Variants in DTWD2 observed in about 807,000 individuals in gnomAD.
The protein encoded by DTWD2 is DTW motif tRNA-uridine aminocarboxypropyltransferase 2, also known as tRNA-uridine aminocarboxypropyltransferase 2.
Under a neutral mutation model 31.8 loss-of-function variants are expected in DTWD2, and 39 were observed. That is an observed-to-expected ratio of 1.22 (90% CI 0.95 to 1.60). The LOEUF is 1.60. Ranked by LOEUF, DTWD2 falls within the 40% of genes most tolerant of loss-of-function variation. DTWD2 has a pLI of 0.00. For synonymous variants in DTWD2, 180 were observed against 142.8 expected (o/e 1.26, Z -1.86); for missense variants, 515 against 381.5 (o/e 1.35, Z -2.92).
intron 4 of DTWD2, among the ~76,000 whole-genome samples, chr5:118,896,084 T>C (rs1254335714): frequency 6.6e-6 from 1 of 152,172 alleles, no homozygotes; most frequent in East Asian, 1.9e-4. Context: ...TCAGGAGTCC[T>C]GAACATACTC....
chr5:118,922,568 G>A (rs1753727168), intron 4 of DTWD2, among the ~76,000 whole-genome samples: 1 of 152,064 alleles, frequency 6.6e-6, no homozygotes, highest in African/African-American at 2.4e-5. Context: ...GGAAACTTAT[G>A]CAAAAACTGA....
chr5:118,940,854 CTAA>C (rs141537262), intron 2 of DTWD2, among the ~76,000 whole-genome samples: 1,698 of 152,276 alleles, frequency 0.011, 31 homozygotes, highest in African/African-American at 0.039. Context: ...CCTCTCACAT[CTAA>C]TATTATTAGT....
intron 1 of DTWD2, chr5:118,974,599 C>A (rs1448014092): frequency 2.0e-6 from 1 of 505,864 alleles, no homozygotes; most frequent in Non-Finnish European, 4.0e-6. Context: ...TTATTCCGAG[C>A]ATTCCAGTAA....
rs143500861 is a variant in DTWD2, at chr5:118,894,610, TAA to T, written c.597+33925_597+33926del. Among the ~76,000 whole-genome samples the T allele has an allele frequency of 6.2e-3, 945 of 152,184 alleles. 16 individuals carry two copies. The highest frequency in any genetic ancestry group is 0.022 in the African/African-American group (895 of 41,542). Reference sequence around the variant, plus strand: ...AAGGTATCCCTGATGAACACAAATGTAAAAAGTCTCAACAAAATACTAGCAAA... The same window carrying T: ...AAGGTATCCCTGATGAACACAAATGTAAAGTCTCAACAAAATACTAGCAAA... On this transcript the variant is annotated intron_variant, in intron 4 of 5. Coordinates refer to ENST00000510708, the MANE Select transcript of DTWD2 (RefSeq NM_173666.4).
At chr5:118,849,177 G>A (rs115908878) in intron 4 of DTWD2, among the ~76,000 whole-genome samples, 4 of 151,822 alleles carry the variant, frequency 2.6e-5, no homozygotes, top group African/African-American at 9.7e-5. Context: ...ACAAATTTAC[G>A]AGAAAAAAGG....
chr5:118,946,315 G>C (rs191961427), intron 1 of DTWD2, among the ~76,000 whole-genome samples: 35 of 152,270 alleles, frequency 2.3e-4, no homozygotes, highest in African/African-American at 7.0e-4. Context: ...AGATTTTTGA[G>C]ATGGAAAGTC....
chr5:118,860,084 C>A (rs1450949898), intron 4 of DTWD2, among the ~76,000 whole-genome samples: 1 of 151,918 alleles, frequency 6.6e-6, no homozygotes, highest in Non-Finnish European at 1.5e-5. Context: ...TTCCACTGTA[C>A]TCCAGCCAGA....
intron 5 of DTWD2, among the ~76,000 whole-genome samples, 181 bp from the exon 6 acceptor site, chr5:118,841,268 A>C (rs1378392430): frequency 6.6e-6 from 1 of 152,218 alleles, no homozygotes; most frequent in Non-Finnish European, 1.5e-5. Flanking sequence ...TGTCTTTAAA[A>C]TTCATGCCTT....
intron 1 of DTWD2, among the ~76,000 whole-genome samples, chr5:118,983,924 C>A (rs889874836): frequency 6.6e-6 from 1 of 152,116 alleles, no homozygotes; most frequent in Admixed American, 6.5e-5. Flanking sequence ...CTGAAGCAGG[C>A]GGCTCACCTG....
intron 1 of DTWD2, among the ~76,000 whole-genome samples, chr5:118,953,657 T>A (rs1754515992): frequency 6.6e-6 from 1 of 152,206 alleles, no homozygotes; most frequent in African/African-American, 2.4e-5. Context: ...TTACAAAAGA[T>A]GTTGGCTCCT....
intron 4 of DTWD2, among the ~76,000 whole-genome samples, chr5:118,856,296 T>A (rs1752132619): frequency 6.6e-6 from 1 of 152,222 alleles, no homozygotes; most frequent in Non-Finnish European, 1.5e-5. Flanking sequence ...TTTAACACTG[T>A]TATCTCAGGT....
At chr5:118,946,305 A>G (rs962521465) in intron 1 of DTWD2, among the ~76,000 whole-genome samples, 5 of 152,170 alleles carry the variant, frequency 3.3e-5, no homozygotes, top group African/African-American at 1.2e-4. Flanking sequence ...GAATATGAGG[A>G]GATTTTTGAG....
chr5:118,947,441 TCCCG>T (rs1222913494), intron 1 of DTWD2, among the ~76,000 whole-genome samples: 2 of 152,150 alleles, frequency 1.3e-5, no homozygotes, highest in African/African-American at 4.8e-5. Flanking sequence ...ATTCCGACTG[TCCCG>T]AGCTGGACTC....
In DTWD2 at chr5:118,836,687, G is replaced by C. The variant is rs1751577127; in HGVS notation, c.*4230C>G. ...AATTCCCGAGGTATAGTATTAGGAA[G>C]TGGAACCTTTGGGGGATGATTAGGT... On this transcript the variant is annotated 3_prime_UTR_variant, in exon 6 of 6. Coordinates refer to ENST00000510708, the MANE Select transcript of DTWD2 (RefSeq NM_173666.4). Among the ~76,000 whole-genome samples, 1 of 152,208 alleles carries C rather than the reference G, an allele frequency of 6.6e-6. No homozygotes were observed. Among genetic ancestry groups the C allele is most frequent in the African/African-American group, 2.4e-5 (1 of 41,458 alleles).
intron 4 of DTWD2, among the ~76,000 whole-genome samples, chr5:118,872,141 A>C (rs930381291): frequency 8.5e-5 from 13 of 152,176 alleles, no homozygotes; most frequent in African/African-American, 2.4e-5. Context: ...AGAGAGTTAG[A>C]GCCTTGCTGT....
At chr5:118,845,157 G>GA (rs1719915327) in intron 5 of DTWD2, among the ~76,000 whole-genome samples, 1 of 150,652 alleles carries the variant, frequency 6.6e-6, no homozygotes, top group African/African-American at 2.4e-5. Flanking sequence ...AAAAGAAAAA[G>GA]AAAAAAGAAA....
intron 4 of DTWD2, among the ~76,000 whole-genome samples, chr5:118,873,968 C>T (rs1752566036): frequency 6.6e-6 from 1 of 152,204 alleles, no homozygotes; most frequent in African/African-American, 2.4e-5. Context: ...TCTGTTGCAA[C>T]TGCTGCAGCT....
At chr5:118,924,543 T>C (rs1753770794) in intron 4 of DTWD2, among the ~76,000 whole-genome samples, 1 of 152,252 alleles carries the variant, frequency 6.6e-6, no homozygotes, top group Non-Finnish European at 1.5e-5. Flanking sequence ...TAAATGAATT[T>C]ATCTTCATCC....
At chr5:118,967,198 T>A (rs1208458509) in intron 1 of DTWD2, among the ~76,000 whole-genome samples, 1 of 152,030 alleles carries the variant, frequency 6.6e-6, no homozygotes, top group East Asian at 1.9e-4. Context: ...AGAAATAAAC[T>A]ACAATTAGAG....
Sources: gnomAD v4.1 joint callset for allele counts (sites outside exome capture counted in the v4.1 genomes callset) on GRCh38, gnomAD v4.1.1 for gene constraint, MANE v1.5 for transcripts, NCBI Gene and HGNC (gene_info 2026-07-23, HGNC 2026-07-21) for gene names.